PREX1: variants seen among roughly 807,000 people sequenced by gnomAD.
The protein encoded by PREX1 is phosphatidylinositol 3,4,5-trisphosphate-dependent Rac exchanger 1 protein.
PREX1 carries 41 observed loss-of-function variants against 198.3 expected under a neutral mutation model. That is an observed-to-expected ratio of 0.21 (90% CI 0.16 to 0.27). The LOEUF (loss-of-function observed/expected upper bound fraction) is 0.27. Among genes scored for constraint, PREX1 ranks in the 10% least tolerant of loss-of-function variants. The probability of loss-of-function intolerance (pLI) is 1.00; values close to 1 mark genes in which losing one functional copy is unlikely to be tolerated. For synonymous variants in PREX1, 843 were observed against 887.2 expected (o/e 0.95, Z 0.89); for missense variants, 1,620 against 2,200.7 (o/e 0.74, Z 5.28).
chr20:48,732,671 T>C (rs2090039375), intron 4 of PREX1, among the ~76,000 whole-genome samples: 1 of 152,186 alleles, frequency 6.6e-6, no homozygotes, highest in African/African-American at 2.4e-5. Context: ...TCCCCTAATG[T>C]ATTCTTCTTC....
chr20:48,692,571 C>T (rs1458821643), intron 8 of PREX1, 101 bp downstream of exon 8: 1 of 970,222 alleles, frequency 1.0e-6, no homozygotes, highest in African/African-American at 1.6e-5. Context: ...TAGATTACAT[C>T]TCATGATAAA....
intron 23 of PREX1, 141 bp from the exon 24 acceptor site, chr20:48,650,347 G>T: frequency 2.3e-6 from 2 of 854,214 alleles, no homozygotes. Context: ...AATGAGAAGG[G>T]GAACCCCTGG....
the PREX1 span, among the ~76,000 whole-genome samples, chr20:48,878,993 C>A: frequency 3.3e-5 from 5 of 152,156 alleles, no homozygotes. Flanking sequence ...GAAAGCAGAG[C>A]GGTGAAGCAG....
At chr20:48,733,827 T>G (rs1204276160) in intron 4 of PREX1, among the ~76,000 whole-genome samples, 1 of 152,160 alleles carries the variant, frequency 6.6e-6, no homozygotes, top group Non-Finnish European at 1.5e-5. Flanking sequence ...CTCAGCTCAC[T>G]GCAATCTCTG....
chr20:48,750,724 A>G (rs961929294), intron 1 of PREX1, among the ~76,000 whole-genome samples: 3 of 152,136 alleles, frequency 2.0e-5, no homozygotes, highest in African/African-American at 4.8e-5. Flanking sequence ...TTGCGTTAGG[A>G]GCTCATTTGA....
intron 26 of PREX1, 43 bp from the exon 27 acceptor site, chr20:48,644,540 A>G (rs1321083925): frequency 6.4e-7 from 1 of 1,574,628 alleles, no homozygotes. Flanking sequence ...CCCTGAGCTC[A>G]GGCCATCTGG....
the PREX1 span, among the ~76,000 whole-genome samples, chr20:48,882,413 A>C: frequency 6.9e-6 from 1 of 144,926 alleles, no homozygotes; most frequent in East Asian, 2.1e-4. Context: ...GAGGCAGGAG[A>C]ATGGCGTGAA....
chr20:48,760,030 T>C (rs1478386073), intron 1 of PREX1, among the ~76,000 whole-genome samples: 2 of 151,840 alleles, frequency 1.3e-5, no homozygotes, highest in Non-Finnish European at 2.9e-5. Flanking sequence ...GAGCATCACT[T>C]CAGCCTAGGA....
intron 29 of PREX1, among the ~76,000 whole-genome samples, chr20:48,640,137 C>T (rs548973355): frequency 3.9e-5 from 6 of 152,368 alleles, no homozygotes; most frequent in Non-Finnish European, 5.9e-5. Flanking sequence ...GAGACCAAGA[C>T]TCCCCACAGC....
intron 30 of PREX1, among the ~76,000 whole-genome samples, chr20:48,639,400 C>T (rs906544980): frequency 2.6e-5 from 4 of 152,232 alleles, no homozygotes; most frequent in East Asian, 1.9e-4. Flanking sequence ...GGCTGCCAGC[C>T]GGTGTCCCTC....
chr20:48,871,987 G>A, the PREX1 span, among the ~76,000 whole-genome samples: 14 of 151,674 alleles, frequency 9.2e-5, no homozygotes, highest in South Asian at 2.1e-4. Context: ...GTGAAACCCC[G>A]TCTCTACTAA....
Position 48,644,470 on chromosome 20 carries a change from G to C in PREX1, c.3540C>G (p.Val1180=). The part of the protein sequence containing the change: ...YSECNSNRDS[V]LSYTSVRSNS... ...TACTTCTCACGCTGGTGTAGGACAG[G>C]ACCGAGTCTCGATTGCTGTTACACT... Residue 1180 remains valine, a synonymous_variant, in exon 27 of 40, where the codon GTC becomes GTG. Coordinates refer to ENST00000371941, the MANE Select transcript of PREX1 (RefSeq NM_020820.4). 1 of 1,613,910 alleles carries C rather than the reference G, an allele frequency of 6.2e-7. No individual in the cohort carries two copies. The highest frequency in any genetic ancestry group is 8.5e-7 in the Non-Finnish European group (1 of 1,179,878).
rs2089448614 is a variant in PREX1 at position 48,646,018 on chromosome 20, G to A, written c.3345C>T (p.Ser1115=). 1.9e-6 allele frequency: 3 copies of A among 1,614,112 alleles called. No individual in the cohort carries two copies. The highest frequency in any genetic ancestry group is 2.5e-6 in the Non-Finnish European group (3 of 1,180,032). Residue 1115 remains serine (S), a synonymous_variant, in exon 26 of 40, where the codon TCC becomes TCT. Transcript: ENST00000371941. ...STITEPTSGG[S]CDASLAEEAS... ...CCTCCTCAGCCAAGGATGCGTCGCAGGACCCACCCGAGGTGGGCTCTGTGA... is the reference window on the plus strand; with the variant it reads ...CCTCCTCAGCCAAGGATGCGTCGCAAGACCCACCCGAGGTGGGCTCTGTGA...
intron 1 of PREX1, among the ~76,000 whole-genome samples, chr20:48,776,277 GGCT>G (rs2090261192): frequency 6.6e-6 from 1 of 152,152 alleles, no homozygotes; most frequent in African/African-American, 2.4e-5. Context: ...ACAACCTCAG[GGCT>G]GCTCTGGCCC....
rs545406808 is a variant in PREX1 at position 48,813,174 on chromosome 20, T to C, written c.219+14468A>G. Reference sequence around the variant, plus strand: ...GGCACACAGTAGGTGCTTAACACAATGTGTTGGAACAAGGGAACAAGTCTA... The same window carrying C: ...GGCACACAGTAGGTGCTTAACACAACGTGTTGGAACAAGGGAACAAGTCTA... On this transcript the variant is annotated intron_variant, in intron 1 of 39. Transcript: ENST00000371941. Among the ~76,000 whole-genome samples the C allele has an allele frequency of 3.7e-4, 56 of 152,180 alleles. 1 individual carries two copies. Among genetic ancestry groups the C allele is most frequent in the Non-Finnish European group, 5.9e-5 (4 of 68,042 alleles).
chr20:48,763,184 C>T (rs1474247468), intron 1 of PREX1, among the ~76,000 whole-genome samples: 1 of 152,204 alleles, frequency 6.6e-6, no homozygotes, highest in African/African-American at 2.4e-5. Flanking sequence ...ACCTGCATCA[C>T]GGGGGCATGG....
At chr20:48,750,476 G>C (rs543870432) in intron 1 of PREX1, among the ~76,000 whole-genome samples, 1 of 152,144 alleles carries the variant, frequency 6.6e-6, no homozygotes, top group South Asian at 2.1e-4. Flanking sequence ...TCATCTTCCA[G>C]TACTTCATCC....
chr20:48,741,033 G>C (rs1266891334), intron 3 of PREX1, among the ~76,000 whole-genome samples: 2 of 151,426 alleles, frequency 1.3e-5, no homozygotes, highest in East Asian at 1.9e-4. Context: ...TTTTGAGACG[G>C]AGTCTCACAC....
chr20:48,661,147 C>A (rs1367153031), intron 15 of PREX1, among the ~76,000 whole-genome samples: 2 of 151,984 alleles, frequency 1.3e-5, no homozygotes, highest in Non-Finnish European at 2.9e-5. Flanking sequence ...CGGCCAGAGG[C>A]GGTGGCTCCG....
Sources: gnomAD v4.1 joint callset for allele counts (sites outside exome capture counted in the v4.1 genomes callset) on GRCh38, gnomAD v4.1.1 for gene constraint, MANE v1.5 for transcripts, NCBI Gene and HGNC (gene_info 2026-07-23, HGNC 2026-07-21) for gene names.